Variants in ITPR2 observed in about 807,000 individuals in gnomAD.
The protein encoded by ITPR2 is inositol 1,4,5-trisphosphate-gated calcium channel ITPR2.
Under a neutral mutation model 317.1 loss-of-function variants are expected in ITPR2, and 207 were observed. That is an observed-to-expected ratio of 0.65 (90% CI 0.58 to 0.73). The LOEUF is 0.73. Among genes scored for constraint, ITPR2 ranks in the 30% least tolerant of loss-of-function variants. The probability of loss-of-function intolerance (pLI) is 0.00; values close to 1 mark genes in which losing one functional copy is unlikely to be tolerated. For synonymous variants in ITPR2, 1,156 were observed against 1,149.1 expected, an observed-to-expected ratio of 1.01 and a Z score of -0.12; for missense variants, 2,613 against 3,284.0, an observed-to-expected ratio of 0.80 and a Z score of 4.99.
intron 54 of ITPR2, among the ~76,000 whole-genome samples, chr12:26,388,400 C>T (rs1327608290): frequency 6.6e-6 from 1 of 152,140 alleles, no homozygotes; most frequent in South Asian, 2.1e-4. Context: ...AAACTGAAAT[C>T]CAACCCTGGC....
intron 34 of ITPR2, among the ~76,000 whole-genome samples, chr12:26,571,230 C>T (rs1945151334): frequency 6.6e-6 from 1 of 152,144 alleles, no homozygotes; most frequent in South Asian, 2.1e-4. Context: ...ATGGTATATT[C>T]ACAATTGATC....
chr12:26,591,424 A>G (rs1029070056), intron 32 of ITPR2, among the ~76,000 whole-genome samples: 10 of 152,244 alleles, frequency 6.6e-5, no homozygotes, highest in African/African-American at 9.6e-5. Context: ...TATCCAAAAG[A>G]CAGGCAATAA....
At chr12:26,761,542 C>T (rs1949633653) in intron 2 of ITPR2, among the ~76,000 whole-genome samples, 1 of 152,180 alleles carries the variant, frequency 6.6e-6, no homozygotes, top group East Asian at 1.9e-4. Flanking sequence ...GCCTGTAATT[C>T]CCAACACTTT....
At position 26,622,373 on chromosome 12, in the gene ITPR2, T is replaced by G. The variant is rs1385934572; in HGVS notation, c.3155A>C (p.Glu1052Ala). The G allele has an allele frequency of 3.7e-5, 59 of 1,607,954 alleles. No individual in the cohort carries two copies. Among genetic ancestry groups the G allele is most frequent in the Non-Finnish European group, 5.0e-5 (59 of 1,178,336 alleles). The stretch of plus-strand genomic sequence containing the variant: ...GACCCGTAAAAACGTCCTGCCTCCT[T>G]CATCGTCAAGTTGAACTGGATTTTT... ...KEKNPVQLDD[E>A]GGRTFLRVLI... Residue 1052 changes from glutamate (E) to alanine (A), a missense_variant, in exon 25 of 57, where the codon GAA becomes GCA. Glu to Ala is a moderately radical substitution (Grantham distance 107). This residue lies in a region of ITPR2 where 817 missense variants were observed against 897.6 expected (regional missense o/e 0.91). Coordinates refer to ENST00000381340, the MANE Select transcript of ITPR2 (RefSeq NM_002223.4).
Position 26,495,289 on chromosome 12 carries a change from G to C in ITPR2, c.5074-29C>G, listed in dbSNP as rs182348891. The C allele has an allele frequency of 7.7e-3, 9,606 of 1,244,952 alleles. 107 individuals carry two copies. Among genetic ancestry groups the C allele is most frequent in the South Asian group, 0.028 (2,226 of 78,282 alleles). 77.1% of individuals were successfully genotyped at this position (1,244,952 alleles called of 1,614,324 possible). ...ATAAGAAGGATAACAAAGAGTTACT[G>C]TTCCCTTTTCTAATAAAAGTGAAAA... On this transcript the variant is annotated intron_variant, in intron 37 of 56. Transcript: ENST00000381340.
chr12:26,719,997 G>A (rs1948806537), intron 5 of ITPR2, among the ~76,000 whole-genome samples: 1 of 152,010 alleles, frequency 6.6e-6, no homozygotes, highest in Non-Finnish European at 1.5e-5. Flanking sequence ...AAAAAAATAA[G>A]GAAAGAAAAA....
chr12:26,636,467 G>GT (rs1389274153), intron 21 of ITPR2, among the ~76,000 whole-genome samples: 2 of 152,102 alleles, frequency 1.3e-5, no homozygotes, highest in Admixed American at 1.3e-4. Context: ...GTTTGTCAAA[G>GT]TAACGCATGA....
At chr12:26,491,458 G>A (rs1015281784) in intron 39 of ITPR2, among the ~76,000 whole-genome samples, 2 of 132,830 alleles carry the variant, frequency 1.5e-5, no homozygotes, top group Admixed American at 8.7e-5. Context: ...ACTCCAGCCT[G>A]GGCCACAGAG....
intron 49 of ITPR2, among the ~76,000 whole-genome samples, chr12:26,427,002 C>A (rs1210110150): frequency 4.6e-5 from 7 of 151,812 alleles, no homozygotes; most frequent in African/African-American, 1.7e-4. Context: ...CATTCACTCA[C>A]TTATTAATTT....
intron 1 of ITPR2, among the ~76,000 whole-genome samples, chr12:26,811,603 C>T (rs546017420): frequency 2.6e-5 from 4 of 151,216 alleles, no homozygotes; most frequent in African/African-American, 9.7e-5. Context: ...AGGAGAATGG[C>T]ATGAACCCGG....
At chr12:26,500,219 T>C (rs770675741) in intron 37 of ITPR2, among the ~76,000 whole-genome samples, 23 of 152,220 alleles carry the variant, frequency 1.5e-4, no homozygotes, top group Admixed American at 2.0e-4. Flanking sequence ...TGTGAGTCAT[T>C]TCCCCAAATT....
intron 10 of ITPR2, among the ~76,000 whole-genome samples, chr12:26,687,114 T>A (rs759144963): frequency 1.3e-5 from 2 of 152,078 alleles, no homozygotes; most frequent in African/African-American, 2.4e-5. Context: ...ACCTGCTTGC[T>A]CCCCTAGATT....
chr12:26,644,085 C>A (rs1416758531), intron 21 of ITPR2, among the ~76,000 whole-genome samples: 1 of 152,086 alleles, frequency 6.6e-6, no homozygotes, highest in Non-Finnish European at 1.5e-5. Context: ...GAAGAATGAC[C>A]CCAGCAGATT....
At chr12:26,566,539 AGAG>A (rs958377964) in intron 34 of ITPR2, among the ~76,000 whole-genome samples, 1 of 149,278 alleles carries the variant, frequency 6.7e-6, no homozygotes, top group African/African-American at 2.5e-5. Flanking sequence ...AGGAAAGAAG[AGAG>A]GAGAAGGATA....
At chr12:26,379,126 T>A (rs975683765) in intron 55 of ITPR2, among the ~76,000 whole-genome samples, 1 of 152,224 alleles carries the variant, frequency 6.6e-6, no homozygotes, top group Non-Finnish European at 1.5e-5. Flanking sequence ...ATTATGGGCA[T>A]GGCATCCGTT....
intron 2 of ITPR2, among the ~76,000 whole-genome samples, chr12:26,736,850 T>G (rs1027702931): frequency 2.1e-4 from 32 of 152,300 alleles, no homozygotes; most frequent in African/African-American, 7.5e-4. Context: ...TTAAGCAGCA[T>G]CCTAACAAAT....
intron 34 of ITPR2, among the ~76,000 whole-genome samples, chr12:26,564,204 A>G (rs1944890000): frequency 6.6e-6 from 1 of 152,254 alleles, no homozygotes; most frequent in Admixed American, 6.5e-5. Context: ...AAGATCAAAA[A>G]GCAGAATAAA....
chr12:26,672,776 G>A (rs1476073215), intron 13 of ITPR2, among the ~76,000 whole-genome samples: 3 of 151,836 alleles, frequency 2.0e-5, no homozygotes, highest in Non-Finnish European at 4.4e-5. Flanking sequence ...TTTTTTGAAA[G>A]GATCAACAAA....
chr12:26,661,271 T>TGGGGG (rs1947490826), intron 15 of ITPR2, among the ~76,000 whole-genome samples: 1 of 5,090 alleles, frequency 2.0e-4, no homozygotes, highest in Non-Finnish European at 3.4e-4. Flanking sequence ...TAGGGGTGTG[T>TGGGGG]GTGTGGGGGG....
Sources: allele counts gnomAD v4.1 joint callset (sites outside exome capture counted in the v4.1 genomes callset), GRCh38; gene constraint gnomAD v4.1.1; regional missense constraint gnomAD v4.1.1; transcripts MANE v1.5; gene names NCBI Gene and HGNC (gene_info 2026-07-23, HGNC 2026-07-21).